The following ALPL variants were observed in gnomAD, a reference collection of about 807,000 sequenced individuals.
ALPL encodes the protein alkaline phosphatase, biomineralization associated.
Under a neutral mutation model 51.3 loss-of-function variants are expected in ALPL, and 42 were observed. That is an observed-to-expected ratio of 0.82 (90% CI 0.64 to 1.06). ALPL has a LOEUF of 1.06. ALPL is among the 50% of genes least tolerant of loss of function. The probability of loss-of-function intolerance (pLI) is 0.00; values close to 1 mark genes in which losing one functional copy is unlikely to be tolerated. For synonymous variants in ALPL, 279 were observed against 296.4 expected (o/e 0.94, Z 0.60); for missense variants, 589 against 709.4 (o/e 0.83, Z 1.93).
intron 1 of ALPL, among the ~76,000 whole-genome samples, chr1:21,543,514 G>A (rs991420923): frequency 6.6e-6 from 1 of 152,030 alleles, no homozygotes. Flanking sequence ...TTGAACCTGG[G>A]AGGTGGAGGT....
chr1:21,576,495 A>T (rs773748248), intron 10 of ALPL, 27 bp from the exon 11 acceptor site: 6 of 1,611,298 alleles, frequency 3.7e-6, no homozygotes, highest in Admixed American at 3.3e-5. Context: ...CCCCAGCATG[A>T]CCCCTGAACA....
chr1:21,574,364 G>A (rs758765676), intron 9 of ALPL: 4 of 232,306 alleles, frequency 1.7e-5, no homozygotes, highest in Non-Finnish European at 2.1e-5. Flanking sequence ...ACGGGGCCCA[G>A]TAAAGAATAA....
At chr1:21,541,908 G>T (rs1003869087) in intron 1 of ALPL, among the ~76,000 whole-genome samples, 4 of 152,108 alleles carry the variant, frequency 2.6e-5, no homozygotes, top group African/African-American at 9.7e-5. Context: ...CCAGGATGGG[G>T]TGCTGTCAAT....
intron 1 of ALPL, among the ~76,000 whole-genome samples, chr1:21,529,070 A>C (rs1220011847): frequency 1.1e-5 from 1 of 88,726 alleles, no homozygotes; most frequent in East Asian, 7.7e-4. Context: ...ACTCCATCTC[A>C]AAAAAAAAAA....
intron 8 of ALPL, 57 bp downstream of exon 8, chr1:21,570,431 G>A (rs1051927381): frequency 4.1e-5 from 64 of 1,570,630 alleles, no homozygotes; most frequent in Non-Finnish European, 4.2e-5. Context: ...GGCCGGAGCT[G>A]CGTGTGGCCA....
intron 1 of ALPL, among the ~76,000 whole-genome samples, chr1:21,513,296 A>G (rs1483400147): frequency 6.6e-6 from 1 of 152,114 alleles, no homozygotes; most frequent in African/African-American, 2.4e-5. Context: ...TCCTGGCCTT[A>G]AGCTACATGA....
chr1:21,548,583 G>C (rs1181162261), intron 1 of ALPL, among the ~76,000 whole-genome samples: 1 of 152,126 alleles, frequency 6.6e-6, no homozygotes, highest in Non-Finnish European at 1.5e-5. Context: ...ATGTGGGGCT[G>C]GATGAGCCTT....
At chr1:21,510,665 C>T (rs538079226) in intron 1 of ALPL, among the ~76,000 whole-genome samples, 4 of 152,222 alleles carry the variant, frequency 2.6e-5, no homozygotes, top group East Asian at 1.9e-4. Flanking sequence ...CCCTAGCGTC[C>T]TGCTCCCACT....
intron 1 of ALPL, among the ~76,000 whole-genome samples, chr1:21,539,896 T>C (rs1644159459): frequency 6.6e-6 from 1 of 152,142 alleles, no homozygotes. Context: ...GACCTCGTGA[T>C]CTGCCCACCT....
Position 21,576,550 on chromosome 1 carries a change from CAAG to C in ALPL, c.1222_1224del (p.Lys408del). 1 of 1,613,992 alleles carries C rather than the reference CAAG, an allele frequency of 6.2e-7. No homozygotes were observed. Among genetic ancestry groups the C allele is most frequent in the Non-Finnish European group, 8.5e-7 (1 of 1,179,946 alleles). ...TGGCCCCCATGCTGAGTGACACAGA[CAAG>C]AAGCCCTTCACTGCCATCCTGTATG... On this transcript the variant is annotated inframe_deletion, in exon 11 of 12. Coordinates refer to ENST00000374840, the MANE Select transcript of ALPL (RefSeq NM_000478.6).
chr1:21,575,018 G>A (rs1570302267), intron 9 of ALPL, among the ~76,000 whole-genome samples: 1 of 152,232 alleles, frequency 6.6e-6, no homozygotes, highest in South Asian at 2.1e-4. Context: ...CTCCAGCCAG[G>A]CCCCTGCACT....
At chr1:21,523,854 AG>A (rs1200382333) in intron 1 of ALPL, among the ~76,000 whole-genome samples, 1 of 152,060 alleles carries the variant, frequency 6.6e-6, no homozygotes, top group African/African-American at 2.4e-5. Context: ...GGCTCTGGTG[AG>A]GGGGGATGTG....
At chr1:21,535,569 C>T (rs781295924) in intron 1 of ALPL, among the ~76,000 whole-genome samples, 4 of 151,872 alleles carry the variant, frequency 2.6e-5, no homozygotes, top group Non-Finnish European at 4.4e-5. Flanking sequence ...GAGCTATGAT[C>T]GTGTCACTGC....
intron 1 of ALPL, among the ~76,000 whole-genome samples, chr1:21,527,023 CTTTTCTTTT>C (rs1643954485): frequency 3.6e-5 from 2 of 54,986 alleles, no homozygotes; most frequent in Admixed American, 2.6e-4. Context: ...TTGTTCTTTT[CTTTTCTTTT>C]CTTTTCTTTT....
chr1:21,515,469 ACCTCC>A (rs1643777603), intron 1 of ALPL, among the ~76,000 whole-genome samples: 1 of 150,398 alleles, frequency 6.6e-6, no homozygotes, highest in African/African-American at 2.4e-5. Context: ...GCTCACTACA[ACCTCC>A]GCCTCCCGGG....
chr1:21,543,591 A>C (rs953570995), intron 1 of ALPL, among the ~76,000 whole-genome samples: 1 of 152,142 alleles, frequency 6.6e-6, no homozygotes, highest in Non-Finnish European at 1.5e-5. Flanking sequence ...CCATCTGAAA[A>C]AAAACAAAAC....
Position 21,568,189 on chromosome 1 carries a change from C to G in ALPL, c.734C>G (p.Thr245Arg). 6.2e-7 allele frequency: 1 copy of G among 1,613,992 alleles called. No homozygotes were observed. Among genetic ancestry groups the G allele is most frequent in the Non-Finnish European group, 8.5e-7 (1 of 1,180,034 alleles). Residue 245 changes from threonine to arginine, a missense_variant, in exon 7 of 12, where the codon ACG becomes AGG. By Grantham distance (71) the Thr-to-Arg change is moderately conservative. Coordinates refer to ENST00000374840, the MANE Select transcript of ALPL (RefSeq NM_000478.6). ...GAGAGTGACGAGAAAGCCAGGGGCA[C>G]GAGGCTGGACGGCCTGGACCTCGTT... The part of the protein sequence containing the change: ...EYESDEKARG[T>R]RLDGLDLVDT...
intron 1 of ALPL, among the ~76,000 whole-genome samples, chr1:21,521,253 C>T (rs940500132): frequency 2.0e-5 from 3 of 152,016 alleles, no homozygotes; most frequent in African/African-American, 4.8e-5. Context: ...GGCGCGATCT[C>T]GGCTCACTGC....
intron 1 of ALPL, among the ~76,000 whole-genome samples, chr1:21,541,389 G>A (rs79903918): frequency 0.022 from 3,410 of 152,322 alleles, 53 homozygotes; most frequent in Middle Eastern, 0.044. Flanking sequence ...CTGGTGAGGG[G>A]CAGAGGCAGG....
Sources: allele counts gnomAD v4.1 joint callset (sites outside exome capture counted in the v4.1 genomes callset), GRCh38; gene constraint gnomAD v4.1.1; transcripts MANE v1.5; gene names NCBI Gene and HGNC (gene_info 2026-07-23, HGNC 2026-07-21).